SEM1: variants seen among roughly 807,000 people sequenced by gnomAD.
SEM1 encodes 26S proteasome complex subunit SEM1.
A neutral mutation model predicts 12.7 loss-of-function variants in SEM1; 3 were observed. The ratio of observed to expected loss-of-function variants is 0.24; its 90% CI spans 0.11 to 0.61. The LOEUF (loss-of-function observed/expected upper bound fraction) is 0.61. Among genes scored for constraint, SEM1 ranks in the 20% least tolerant of loss-of-function variants. The probability of loss-of-function intolerance (pLI) is 0.88; values close to 1 mark genes in which losing one functional copy is unlikely to be tolerated. For synonymous variants in SEM1, 30 were observed against 27.8 expected, an observed-to-expected ratio of 1.08 and a Z score of -0.25; for missense variants, 59 against 81.3, an observed-to-expected ratio of 0.73 and a Z score of 1.06.
At chr7:96,699,250 C>T (rs1790197568) in intron 1 of SEM1, among the ~76,000 whole-genome samples, 1 of 152,114 alleles carries the variant, frequency 6.6e-6, no homozygotes, top group Non-Finnish European at 1.5e-5. Flanking sequence ...ACTGTTGTGG[C>T]ATCATTCTCT....
At chr7:96,522,727 C>CCCG (rs1804320062) in intron 2 of SEM1, among the ~76,000 whole-genome samples, 2 of 124,660 alleles carry the variant, frequency 1.6e-5, no homozygotes, top group African/African-American at 5.5e-5. Context: ...AAAATACCCC[C>CCCG]CCCCCAAAAA....
intron 2 of SEM1, among the ~76,000 whole-genome samples, chr7:96,666,048 T>C (rs1329715636): frequency 6.6e-6 from 1 of 152,200 alleles, no homozygotes; most frequent in African/African-American, 2.4e-5. Flanking sequence ...AAGCTGTCAT[T>C]GTGAGGAAGG....
At chr7:96,500,632 A>G (rs1260283909), upstream of SEM1, among the ~76,000 whole-genome samples, 1 of 152,104 alleles carries the variant, frequency 6.6e-6, no homozygotes, top group Admixed American at 6.6e-5. Flanking sequence ...TAGAGATCTC[A>G]GCTTTAATGC....
chr7:96,595,252 C>A (rs1019126305), intron 2 of SEM1, among the ~76,000 whole-genome samples: 1 of 152,088 alleles, frequency 6.6e-6, no homozygotes, highest in Non-Finnish European at 1.5e-5. Flanking sequence ...GGGGCTCACA[C>A]CTGTAATCCC....
rs1415201992 is a variant in SEM1, at chr7:96,625,872, TA to T, written c.171-3230del. Reference sequence around the variant, plus strand: ...TGGTCATCATAATTTTTTTAACTTTTAATTTTAATTTTTATGGGTACATAAT... The same window carrying T: ...TGGTCATCATAATTTTTTTAACTTTTATTTTAATTTTTATGGGTACATAAT... On this transcript the variant is annotated intron_variant, in intron 2 of 2. Transcript: ENST00000417009. Among the ~76,000 whole-genome samples the T allele has an allele frequency of 2.0e-5, 3 of 152,302 alleles. No individual in the cohort carries two copies. In the East Asian group the frequency reaches 5.8e-4, roughly 29 times the overall value.
chr7:96,571,384 T>A (rs1054281770), intron 2 of SEM1, among the ~76,000 whole-genome samples: 3 of 151,854 alleles, frequency 2.0e-5, no homozygotes, highest in Non-Finnish European at 4.4e-5. Flanking sequence ...TTTTGTATAA[T>A]GTGTATGGAA....
intron 2 of SEM1, among the ~76,000 whole-genome samples, chr7:96,667,769 T>G (rs1417875387): frequency 6.6e-6 from 1 of 152,210 alleles, no homozygotes; most frequent in East Asian, 1.9e-4. Context: ...CCCAACGGCC[T>G]GAGCTTCCCC....
chr7:96,707,796 T>C (rs1171627851), intron 1 of SEM1, among the ~76,000 whole-genome samples: 1 of 152,206 alleles, frequency 6.6e-6, no homozygotes, highest in African/African-American at 2.4e-5. Flanking sequence ...TACATAGTTA[T>C]CTCTAGATCG....
chr7:96,526,055 C>T (rs748454725), intron 2 of SEM1, among the ~76,000 whole-genome samples: 1 of 152,018 alleles, frequency 6.6e-6, no homozygotes, highest in Admixed American at 6.6e-5. Context: ...TTTTTATCAC[C>T]CCCAAAAGAA....
chr7:96,582,407 C>A (rs1018034972), intron 2 of SEM1, among the ~76,000 whole-genome samples: 6 of 150,562 alleles, frequency 4.0e-5, no homozygotes, highest in Admixed American at 6.7e-5. Flanking sequence ...CATCAATGTT[C>A]ATCAAGGATA....
intron 1 of SEM1, among the ~76,000 whole-genome samples, chr7:96,703,135 T>C (rs1291248949): frequency 1.3e-5 from 2 of 152,242 alleles, no homozygotes; most frequent in African/African-American, 4.8e-5. Flanking sequence ...TTTCAAATTT[T>C]GTATTTTTTT....
At chr7:96,603,370 A>G (rs1244549185) in intron 2 of SEM1, among the ~76,000 whole-genome samples, 3 of 152,184 alleles carry the variant, frequency 2.0e-5, no homozygotes, top group African/African-American at 4.8e-5. Flanking sequence ...GTCAAGGTTT[A>G]TGATCGTTCT....
intron 2 of SEM1, among the ~76,000 whole-genome samples, chr7:96,609,191 A>G (rs879683076): frequency 5.3e-5 from 8 of 152,216 alleles, no homozygotes; most frequent in Non-Finnish European, 1.2e-4. Context: ...GACTTATGAT[A>G]TTGAGCATCT....
chr7:96,709,838 A>G lies in SEM1; in HGVS notation c.-75T>C, dbSNP rs1339797366. The G allele has an allele frequency of 1.5e-6, 2 of 1,330,524 alleles. No homozygotes were observed. The highest frequency in any genetic ancestry group is 1.2e-5 in the South Asian group (1 of 84,584). 82.4% of individuals were successfully genotyped at this position (1,330,524 alleles called of 1,614,324 possible). A position where few individuals can be genotyped will look rare whatever the true frequency, so the allele number is the denominator to read the frequency against. On this transcript the variant is annotated 5_prime_UTR_variant, in exon 1 of 3. Coordinates refer to ENST00000248566, the MANE Select transcript of SEM1 (RefSeq NM_006304.2). ...CCTCACTCTTCCTCAAGGAAACGCC[A>G]CCGTCACTACCGCCTCCGACGCTGA...
At chr7:96,629,688 A>C (rs1441016745) in intron 2 of SEM1, among the ~76,000 whole-genome samples, 1 of 152,090 alleles carries the variant, frequency 6.6e-6, no homozygotes, top group Non-Finnish European at 1.5e-5. Context: ...TGGTCATGAC[A>C]CTTGTAGATA....
intron 2 of SEM1, among the ~76,000 whole-genome samples, chr7:96,485,937 G>T (rs1011499516): frequency 2.0e-5 from 3 of 151,988 alleles, no homozygotes; most frequent in East Asian, 1.9e-4. Flanking sequence ...GACTTTTTGT[G>T]GGGGGTAAGG....
At chr7:96,537,033 T>G (rs1309832458) in intron 2 of SEM1, among the ~76,000 whole-genome samples, 2 of 151,832 alleles carry the variant, frequency 1.3e-5, no homozygotes, top group Non-Finnish European at 3.0e-5. Context: ...TAGAATTTTA[T>G]GTAATTCCAT....
chr7:96,624,961 C>T (rs1055251979), intron 2 of SEM1, among the ~76,000 whole-genome samples: 1 of 152,118 alleles, frequency 6.6e-6, no homozygotes, highest in Non-Finnish European at 1.5e-5. Context: ...TCTAAAAATA[C>T]CTATCATATC....
chr7:96,483,242 TA>T (rs1319265248), exon 4 of SEM1: 1 of 152,368 alleles, frequency 6.6e-6, no homozygotes, highest in Non-Finnish European at 1.5e-5. Flanking sequence ...CTCCCACTTT[TA>T]AAAGGGAAAG....
Sources: allele counts gnomAD v4.1 joint callset (sites outside exome capture counted in the v4.1 genomes callset), GRCh38; gene constraint gnomAD v4.1.1; transcripts MANE v1.5; gene names NCBI Gene and HGNC (gene_info 2026-07-23, HGNC 2026-07-21).